The following HOPX variants were observed in gnomAD, a reference collection of about 807,000 sequenced individuals.
The protein encoded by HOPX is homeodomain-only protein.
HOPX carries 5 observed loss-of-function variants against 11.8 expected under a neutral mutation model. The observed-to-expected ratio is 0.43, with a 90% CI of 0.22 to 0.89. The LOEUF (loss-of-function observed/expected upper bound fraction) is 0.89. Ranked by LOEUF, HOPX falls within the 40% of genes least tolerant of loss-of-function variation. HOPX has a pLI of 0.28. For synonymous variants in HOPX, 49 were observed against 49.7 expected (o/e 0.99, Z 0.06); for missense variants, 119 against 120.0 (o/e 0.99, Z 0.04).
chr4:56,676,806 C>A (rs1719039850), intron 1 of HOPX, among the ~76,000 whole-genome samples: 2 of 151,688 alleles, frequency 1.3e-5, no homozygotes, highest in Non-Finnish European at 2.9e-5. Context: ...ACTGCCTCCC[C>A]AGAAGGGATG....
At chr4:56,657,959 T>G in intron 1 of HOPX, 60 bp from the exon 2 acceptor site, 1 of 1,465,102 alleles carries the variant, frequency 6.8e-7, no homozygotes, top group Non-Finnish European at 9.2e-7. Flanking sequence ...ATTGCCATTT[T>G]GAATGGGCAT....
chr4:56,655,182 C>T (rs1401616941), intron 3 of HOPX, among the ~76,000 whole-genome samples: 1 of 152,198 alleles, frequency 6.6e-6, no homozygotes, highest in Non-Finnish European at 1.5e-5. Context: ...TCTTATAAAA[C>T]GCCAGGAAAA....
intron 1 of HOPX, among the ~76,000 whole-genome samples, chr4:56,671,123 T>G (rs989765436): frequency 1.3e-5 from 2 of 152,134 alleles, no homozygotes; most frequent in Non-Finnish European, 2.9e-5. Flanking sequence ...AATGCCTGAC[T>G]CTGAAAAGAG....
At chr4:56,656,066 G>T in intron 2 of HOPX, 54 bp from the exon 3 acceptor site, 1 of 1,441,642 alleles carries the variant, frequency 6.9e-7, no homozygotes. Flanking sequence ...CGGGCGGGAC[G>T]CAGCGAAGGA....
chr4:56,660,207 C>T (rs560025714), intron 1 of HOPX, among the ~76,000 whole-genome samples: 6 of 152,218 alleles, frequency 3.9e-5, no homozygotes, highest in African/African-American at 1.2e-4. Flanking sequence ...TCCTCTAATT[C>T]CTTAAATTTC....
chr4:56,663,386 T>G (rs1298404794), intron 1 of HOPX: 3 of 152,190 alleles, frequency 2.0e-5, no homozygotes, highest in African/African-American at 7.2e-5. Context: ...CAAGGTGTCA[T>G]CAGGTTTGGT....
intron 3 of HOPX, among the ~76,000 whole-genome samples, chr4:56,654,046 A>T (rs938466263): frequency 6.6e-6 from 1 of 152,186 alleles, no homozygotes; most frequent in Admixed American, 6.5e-5. Flanking sequence ...AGTGATTTCT[A>T]TGCCTCCTCT....
At chr4:56,665,639 T>C (rs1718388237) in intron 1 of HOPX, 1 of 152,226 alleles carries the variant, frequency 6.6e-6, no homozygotes, top group African/African-American at 2.4e-5. Context: ...GACAACATAT[T>C]TGTTGAATAA....
At chr4:56,669,702 T>TAATAAC (rs869032805) in intron 1 of HOPX, among the ~76,000 whole-genome samples, 1 of 136,004 alleles carries the variant, frequency 7.4e-6, no homozygotes, top group Non-Finnish European at 1.6e-5. Context: ...ATAATAATAA[T>TAATAAC]AACACCAGTA....
chr4:56,669,061 ATCT>A (rs1213771232), intron 1 of HOPX, among the ~76,000 whole-genome samples: 1 of 152,186 alleles, frequency 6.6e-6, no homozygotes, highest in East Asian at 1.9e-4. Context: ...TTATTTCTTA[ATCT>A]AGAAAAGTGA....
intron 3 of HOPX, chr4:56,650,897 C>A: frequency 7.5e-7 from 1 of 1,326,490 alleles, no homozygotes; most frequent in Non-Finnish European, 1.0e-6. Flanking sequence ...TCTTCTGTAA[C>A]CTGTGTGCGT....
chr4:56,673,585 T>C (rs1426087014), intron 1 of HOPX, among the ~76,000 whole-genome samples: 1 of 152,218 alleles, frequency 6.6e-6, no homozygotes, highest in Non-Finnish European at 1.5e-5. Context: ...AAAGCCAAGA[T>C]GAAGAGCTGG....
At chr4:56,655,309 G>T (rs1253103017) in intron 3 of HOPX, among the ~76,000 whole-genome samples, 3 of 152,150 alleles carry the variant, frequency 2.0e-5, no homozygotes, top group African/African-American at 7.2e-5. Flanking sequence ...GGTGGAGAGA[G>T]CATGCTTCAC....
chr4:56,653,575 GTC>G (rs1717408058), intron 3 of HOPX, among the ~76,000 whole-genome samples: 1 of 152,126 alleles, frequency 6.6e-6, no homozygotes, highest in African/African-American at 2.4e-5. Flanking sequence ...AGTGCTGCCT[GTC>G]TCTAAGCTCT....
chr4:56,663,294 T>C (rs529144327), intron 1 of HOPX: 12 of 152,292 alleles, frequency 7.9e-5, no homozygotes, highest in African/African-American at 2.9e-4. Context: ...ATGACAGCTA[T>C]ACTTGAATTC....
At chr4:56,679,089 C>T (rs1719179982) in intron 1 of HOPX, 1 of 152,088 alleles carries the variant, frequency 6.6e-6, no homozygotes, top group Non-Finnish European at 1.5e-5. Flanking sequence ...AAAACCCCAT[C>T]TCTACAGCTG....
chr4:56,662,813 A>C (rs962745838), intron 1 of HOPX: 1 of 152,202 alleles, frequency 6.6e-6, no homozygotes, highest in Non-Finnish European at 1.5e-5. Context: ...TTGATGTCAG[A>C]GGTTCTAAGA....
At chr4:56,656,467 G>A in intron 2 of HOPX, 3 of 971,264 alleles carry the variant, frequency 3.1e-6, no homozygotes, top group Non-Finnish European at 3.6e-6. Context: ...GGGTGGGTTC[G>A]CCCGAGTCCG....
At chr4:56,655,741 G>A in intron 3 of HOPX, 116 bp downstream of exon 3, 3 of 1,195,914 alleles carry the variant, frequency 2.5e-6, no homozygotes, top group Middle Eastern at 2.6e-4. Flanking sequence ...CAGAAGCGAT[G>A]GGAGATCATG....
Sources: gnomAD v4.1 joint callset for allele counts (sites outside exome capture counted in the v4.1 genomes callset) on GRCh38, gnomAD v4.1.1 for gene constraint, MANE v1.5 for transcripts, NCBI Gene and HGNC (gene_info 2026-07-23, HGNC 2026-07-21) for gene names.